SNCAIP: variants seen among roughly 807,000 people sequenced by gnomAD.
The protein encoded by SNCAIP is synphilin-1.
In SNCAIP, 43 loss-of-function variants were observed where a neutral mutation model predicts 86.7. That is an observed-to-expected ratio of 0.50 (90% CI 0.39 to 0.64). SNCAIP has a LOEUF of 0.64. SNCAIP is among the 30% of genes least tolerant of loss of function. The probability of loss-of-function intolerance (pLI) is 0.00; values close to 1 mark genes in which losing one functional copy is unlikely to be tolerated. For missense variants in SNCAIP, 981 were observed against 1,103.1 expected, an observed-to-expected ratio of 0.89 and a Z score of 1.57; for synonymous variants, 417 against 427.2, an observed-to-expected ratio of 0.98 and a Z score of 0.29.
chr5:122,334,435 G>A (rs1215111136), intron 1 of SNCAIP, among the ~76,000 whole-genome samples: 1 of 152,166 alleles, frequency 6.6e-6, no homozygotes, highest in African/African-American at 2.4e-5. Flanking sequence ...CAATAAAATA[G>A]ATGTTTTTTC....
At chr5:122,405,366 A>C (rs1772749497) in intron 3 of SNCAIP, among the ~76,000 whole-genome samples, 1 of 152,228 alleles carries the variant, frequency 6.6e-6, no homozygotes. Context: ...TGTAGGGAAT[A>C]AGAGAGAAGA....
intron 1 of SNCAIP, among the ~76,000 whole-genome samples, chr5:122,336,542 G>T (rs1021040017): frequency 6.6e-6 from 1 of 152,210 alleles, no homozygotes; most frequent in Non-Finnish European, 1.5e-5. Context: ...TAAGCTAAGT[G>T]TTTATCTCCT....
chr5:122,322,598 A>G (rs540972935), intron 1 of SNCAIP, among the ~76,000 whole-genome samples: 110 of 152,288 alleles, frequency 7.2e-4, no homozygotes, highest in African/African-American at 2.5e-3. Context: ...CTGAGTGCAT[A>G]CAGGAAAAAT....
At chr5:122,319,855 A>C (rs546269217) in intron 1 of SNCAIP, among the ~76,000 whole-genome samples, 5 of 152,350 alleles carry the variant, frequency 3.3e-5, no homozygotes, top group South Asian at 4.1e-4. Flanking sequence ...TAAGCCATGG[A>C]GGAGAACGAG....
At chr5:122,376,544 A>G (rs1476911954) in intron 1 of SNCAIP, among the ~76,000 whole-genome samples, 1 of 152,060 alleles carries the variant, frequency 6.6e-6, no homozygotes, top group Non-Finnish European at 1.5e-5. Flanking sequence ...TTTTCTTTCC[A>G]GATATTTTCT....
At chr5:122,434,306 T>C (rs1726863278) in intron 6 of SNCAIP, among the ~76,000 whole-genome samples, 1 of 152,222 alleles carries the variant, frequency 6.6e-6, no homozygotes, top group African/African-American at 2.4e-5. Flanking sequence ...ATTACAGGGC[T>C]GTTCTGAGAC....
chr5:122,362,719 G>A (rs902357543), intron 1 of SNCAIP, among the ~76,000 whole-genome samples: 3 of 152,154 alleles, frequency 2.0e-5, no homozygotes, highest in Admixed American at 1.3e-4. Flanking sequence ...GGAGTTTGAC[G>A]GAATGAAGCA....
At chr5:122,338,626 A>G (rs1756966352) in intron 1 of SNCAIP, among the ~76,000 whole-genome samples, 2 of 152,218 alleles carry the variant, frequency 1.3e-5, no homozygotes, top group African/African-American at 4.8e-5. Context: ...CAAATTAAGG[A>G]TGCCTTTAAG....
In SNCAIP at chr5:122,451,578, G is replaced by A. The variant is rs530298196; in HGVS notation, c.2731G>A (p.Ala911Thr). ...TGCCAAGGGAAACCCTGCCAGCTCC[G>A]CTAGCAAAGGAAAGAATAAGGCAGT... ...TDAKGNPASS[A>T]SKGKNKAA Residue 911 changes from alanine to threonine, a missense_variant, in exon 10 of 11, where the codon GCT becomes ACT. Transcript: ENST00000261368. 56 of 1,611,722 alleles carry A rather than the reference G, an allele frequency of 3.5e-5. No homozygotes were observed. The South Asian group carries it at 3.7e-4, about 11-fold the overall frequency.
At chr5:122,453,916 C>T (rs1180358643) in intron 10 of SNCAIP, among the ~76,000 whole-genome samples, 3 of 152,096 alleles carry the variant, frequency 2.0e-5, no homozygotes, top group African/African-American at 4.8e-5. Flanking sequence ...TGTGCCACCA[C>T]ATCTGGCTAA....
intron 1 of SNCAIP, among the ~76,000 whole-genome samples, chr5:122,315,567 T>TA (rs1751533425): frequency 1.3e-5 from 2 of 152,326 alleles, no homozygotes; most frequent in South Asian, 4.1e-4. Flanking sequence ...TTTTTGAGGA[T>TA]ACTTGTGTCT....
chr5:122,330,835 G>A (rs1208717153), intron 1 of SNCAIP, among the ~76,000 whole-genome samples: 1 of 151,874 alleles, frequency 6.6e-6, no homozygotes, highest in Non-Finnish European at 1.5e-5. Context: ...AATATATGAT[G>A]AAATAATTGT....
intron 8 of SNCAIP, among the ~76,000 whole-genome samples, chr5:122,449,140 C>G (rs1343781554): frequency 6.6e-6 from 1 of 152,124 alleles, no homozygotes; most frequent in Non-Finnish European, 1.5e-5. Context: ...TGTAGAACAT[C>G]GTATCCTAGC....
At chr5:122,349,374 T>A (rs1203007784) in intron 1 of SNCAIP, among the ~76,000 whole-genome samples, 3 of 152,192 alleles carry the variant, frequency 2.0e-5, no homozygotes, top group Non-Finnish European at 1.5e-5. Flanking sequence ...CCCAGGAGAT[T>A]CTAATGACTA....
chr5:122,422,026 A>G (rs989860078), intron 3 of SNCAIP, among the ~76,000 whole-genome samples: 1 of 123,352 alleles, frequency 8.1e-6, no homozygotes, highest in Non-Finnish European at 1.7e-5. Flanking sequence ...AAAAAAAAAA[A>G]AACCACTCTG....
chr5:122,346,052 A>T (rs1344710533), intron 1 of SNCAIP, among the ~76,000 whole-genome samples: 2 of 152,168 alleles, frequency 1.3e-5, no homozygotes, highest in African/African-American at 4.8e-5. Flanking sequence ...CCAATTATGG[A>T]AATTCTATCT....
At chr5:122,393,847 A>T (rs1334010939) in intron 2 of SNCAIP, among the ~76,000 whole-genome samples, 1 of 152,230 alleles carries the variant, frequency 6.6e-6, no homozygotes, top group Non-Finnish European at 1.5e-5. Flanking sequence ...ACCTTAGCGA[A>T]GCCAGAATCA....
intron 1 of SNCAIP, among the ~76,000 whole-genome samples, chr5:122,374,880 T>A (rs1764977293): frequency 6.6e-6 from 1 of 152,130 alleles, no homozygotes; most frequent in African/African-American, 2.4e-5. Context: ...AATCTTATGT[T>A]GTTTTTGAAA....
At chr5:122,411,700 A>G (rs540568506) in intron 3 of SNCAIP, among the ~76,000 whole-genome samples, 202 of 152,198 alleles carry the variant, frequency 1.3e-3, no homozygotes, top group Non-Finnish European at 1.8e-3. Context: ...ATCTCACCGT[A>G]TGATCCAGGA....
Sources: allele counts gnomAD v4.1 joint callset (sites outside exome capture counted in the v4.1 genomes callset), GRCh38; gene constraint gnomAD v4.1.1; transcripts MANE v1.5; gene names NCBI Gene and HGNC (gene_info 2026-07-23, HGNC 2026-07-21).